Variants in SNCAIP observed in about 807,000 individuals in gnomAD.
SNCAIP encodes synphilin-1.
SNCAIP carries 43 observed loss-of-function variants against 86.7 expected under a neutral mutation model. That is an observed-to-expected ratio of 0.50 (90% CI 0.39 to 0.64). The LOEUF is 0.64. Ranked by LOEUF, SNCAIP falls within the 30% of genes least tolerant of loss-of-function variation. The pLI, the probability that SNCAIP is intolerant of heterozygous loss-of-function variation, is 0.00. For synonymous variants in SNCAIP, 417 were observed against 427.2 expected (o/e 0.98, Z 0.29); for missense variants, 981 against 1,103.1 (o/e 0.89, Z 1.57).
At chr5:122,316,322 C>G (rs1044972648) in intron 1 of SNCAIP, among the ~76,000 whole-genome samples, 1 of 152,110 alleles carries the variant, frequency 6.6e-6, no homozygotes, top group Non-Finnish European at 1.5e-5. Context: ...AAGAGAACAC[C>G]TTTGACTTAA....
At chr5:122,343,204 T>G (rs906162978) in intron 1 of SNCAIP, among the ~76,000 whole-genome samples, 4 of 152,186 alleles carry the variant, frequency 2.6e-5, no homozygotes, top group African/African-American at 9.7e-5. Context: ...ACCTCTTTTC[T>G]GCTTACTTCT....
At chr5:122,341,556 T>A (rs919766076) in intron 1 of SNCAIP, among the ~76,000 whole-genome samples, 1 of 152,182 alleles carries the variant, frequency 6.6e-6, no homozygotes, top group African/African-American at 2.4e-5. Flanking sequence ...CCTTCGAAAA[T>A]TAACCCAATC....
chr5:122,315,047 T>TA (rs763153588), intron 1 of SNCAIP, among the ~76,000 whole-genome samples: 2 of 152,242 alleles, frequency 1.3e-5, no homozygotes, highest in Non-Finnish European at 2.9e-5. Flanking sequence ...GTGATCAAGG[T>TA]AGCTTAAATG....
rs10055451 is a variant in SNCAIP, at chr5:122,421,597, C to T, written c.131-1271C>T. On this transcript the variant is annotated intron_variant, in intron 3 of 10. Transcript: ENST00000261368. The stretch of plus-strand genomic sequence containing the variant: ...CCCAGTAGCAAAGAACACACACATA[C>T]ACATGCTTCCCACTTGTTTCAGAAG... Among the ~76,000 whole-genome samples, 1,200 of 152,252 alleles carry T rather than the reference C, an allele frequency of 7.9e-3. 14 individuals carry two copies. The highest frequency in any genetic ancestry group is 0.028 in the African/African-American group (1,150 of 41,556).
chr5:122,416,342 T>A (rs965340449), intron 3 of SNCAIP, among the ~76,000 whole-genome samples: 6 of 152,202 alleles, frequency 3.9e-5, no homozygotes, highest in African/African-American at 1.2e-4. Flanking sequence ...AATGCCCTAA[T>A]GTGGATAGAT....
chr5:122,354,252 C>G (rs1426885733), intron 1 of SNCAIP, among the ~76,000 whole-genome samples: 1 of 152,170 alleles, frequency 6.6e-6, no homozygotes, highest in African/African-American at 2.4e-5. Flanking sequence ...AAGGCACAGA[C>G]TGGACTTGCC....
intron 1 of SNCAIP, among the ~76,000 whole-genome samples, chr5:122,380,238 G>C (rs1229872169): frequency 6.6e-6 from 1 of 152,170 alleles, no homozygotes; most frequent in East Asian, 1.9e-4. Context: ...GGTCTATTCA[G>C]AGATTCAACT....
chr5:122,418,519 G>A (rs1402331788), intron 3 of SNCAIP, among the ~76,000 whole-genome samples: 2 of 152,176 alleles, frequency 1.3e-5, no homozygotes, highest in Non-Finnish European at 2.9e-5. Flanking sequence ...TCATTAAAAT[G>A]AATGTGATAA....
intron 1 of SNCAIP, among the ~76,000 whole-genome samples, chr5:122,366,923 G>A (rs897403907): frequency 1.3e-5 from 2 of 152,082 alleles, no homozygotes; most frequent in Non-Finnish European, 2.9e-5. Context: ...CCTTCGTCTT[G>A]TCCTTCTCAA....
intron 1 of SNCAIP, among the ~76,000 whole-genome samples, chr5:122,332,812 G>A (rs1469416424): frequency 6.6e-6 from 1 of 152,202 alleles, no homozygotes; most frequent in Non-Finnish European, 1.5e-5. Context: ...TTTGCTGTGA[G>A]GCCCATTAGA....
chr5:122,336,604 ATTG>A (rs1756512806), intron 1 of SNCAIP, among the ~76,000 whole-genome samples: 1 of 152,058 alleles, frequency 6.6e-6, no homozygotes, highest in Non-Finnish European at 1.5e-5. Context: ...TTTTCTTTTC[ATTG>A]TTGTTGTTTC....
At chr5:122,313,976 G>C (rs1751198321) in intron 1 of SNCAIP, among the ~76,000 whole-genome samples, 1 of 152,178 alleles carries the variant, frequency 6.6e-6, no homozygotes, top group South Asian at 2.1e-4. Flanking sequence ...TTTCTCCGTA[G>C]CAAGCATTTC....
chr5:122,419,137 A>C (rs778421429), intron 3 of SNCAIP, among the ~76,000 whole-genome samples: 1 of 152,170 alleles, frequency 6.6e-6, no homozygotes, highest in Non-Finnish European at 1.5e-5. Flanking sequence ...TCATGTCACC[A>C]TGTAGGCCAC....
chr5:122,338,174 A>G (rs1011327302), intron 1 of SNCAIP, among the ~76,000 whole-genome samples: 18 of 152,238 alleles, frequency 1.2e-4, no homozygotes, highest in African/African-American at 3.9e-4. Flanking sequence ...ACGGTTAAAT[A>G]GAACGGATAC....
At chr5:122,398,723 T>C (rs994368523) in intron 2 of SNCAIP, among the ~76,000 whole-genome samples, 1 of 152,148 alleles carries the variant, frequency 6.6e-6, no homozygotes, top group Admixed American at 6.6e-5. Context: ...CGTTCTTTCA[T>C]TTTCTGTGGC....
intron 3 of SNCAIP, among the ~76,000 whole-genome samples, chr5:122,409,163 CAT>C (rs549251590): frequency 2.6e-4 from 40 of 152,260 alleles, no homozygotes; most frequent in African/African-American, 7.5e-4. Context: ...ATCTACTACT[CAT>C]GTGGGAAAAG....
intron 1 of SNCAIP, among the ~76,000 whole-genome samples, chr5:122,384,142 A>G (rs899339905): frequency 3.3e-5 from 5 of 152,206 alleles, no homozygotes; most frequent in African/African-American, 1.2e-4. Flanking sequence ...TGGTTCAAAG[A>G]CACACCCATG....
intron 1 of SNCAIP, among the ~76,000 whole-genome samples, chr5:122,345,719 A>G (rs1314301673): frequency 6.6e-6 from 1 of 152,118 alleles, no homozygotes; most frequent in Non-Finnish European, 1.5e-5. Context: ...TTTTAGAGAC[A>G]ACACAGTCAT....
At chr5:122,370,428 C>T (rs1361270472) in intron 1 of SNCAIP, among the ~76,000 whole-genome samples, 1 of 151,734 alleles carries the variant, frequency 6.6e-6, no homozygotes. Context: ...ATGTATTGTA[C>T]TTTAGTGTGT....
Sources: gnomAD v4.1 joint callset for allele counts (sites outside exome capture counted in the v4.1 genomes callset) on GRCh38, gnomAD v4.1.1 for gene constraint, MANE v1.5 for transcripts, NCBI Gene and HGNC (gene_info 2026-07-23, HGNC 2026-07-21) for gene names.